CCDC93: variants seen among roughly 807,000 people sequenced by gnomAD.
CCDC93 encodes the protein coiled-coil domain-containing protein 93.
In CCDC93, 61 loss-of-function variants were observed where a neutral mutation model predicts 108.2. That is an observed-to-expected ratio of 0.56 (90% confidence interval 0.46 to 0.70). The LOEUF is 0.70. Among genes scored for constraint, CCDC93 ranks in the 30% least tolerant of loss-of-function variants. CCDC93 has a pLI of 0.00. For missense variants in CCDC93, 685 were observed against 764.2 expected, an observed-to-expected ratio of 0.90 and a Z score of 1.22; for synonymous variants, 276 against 260.4, an observed-to-expected ratio of 1.06 and a Z score of -0.58.
intron 1 of CCDC93, chr2:118,012,464 CATTA>C (rs1181509083): frequency 6.6e-6 from 1 of 152,092 alleles, no homozygotes; most frequent in Non-Finnish European, 1.5e-5. Flanking sequence ...GGTTGCTCTT[CATTA>C]ATTAATTTAT....
At chr2:117,957,719 C>T (rs1416004447) in intron 12 of CCDC93, among the ~76,000 whole-genome samples, 1 of 152,154 alleles carries the variant, frequency 6.6e-6, no homozygotes, top group Non-Finnish European at 1.5e-5. Context: ...AAGACCCTTC[C>T]TCCTCTGGTC....
chr2:117,945,427 T>G (rs1573476897), intron 17 of CCDC93, 102 bp downstream of exon 17: 2 of 921,134 alleles, frequency 2.2e-6, no homozygotes, highest in African/African-American at 1.6e-5. Context: ...GAGTTGGCCA[T>G]AGAGCACATT....
At chr2:117,989,195 G>A (rs999190902) in intron 6 of CCDC93, among the ~76,000 whole-genome samples, 4 of 152,176 alleles carry the variant, frequency 2.6e-5, no homozygotes, top group African/African-American at 7.2e-5. Flanking sequence ...ACCACGGATA[G>A]GATAAACCCT....
intron 23 of CCDC93, among the ~76,000 whole-genome samples, chr2:117,924,184 C>T (rs1677992027): frequency 6.6e-6 from 1 of 152,136 alleles, no homozygotes; most frequent in East Asian, 1.9e-4. Context: ...GGGGAAAAAC[C>T]AGAGCAGAAA....
rs533942197 is a variant in CCDC93 at position 118,007,562 on chromosome 2, G to A, written c.157-746C>T. On this transcript the variant is annotated intron_variant, in intron 2 of 23. Transcript: ENST00000376300. ...CAGGCACCTGTAATCCCAGCTACTC[G>A]GGAGGCTGAGGCAGGAGAATCACTT... Among the ~76,000 whole-genome samples the A allele has an allele frequency of 9.9e-5, 15 of 152,246 alleles. No homozygotes were observed. The South Asian group carries it at 2.5e-3, about 25-fold the overall frequency.
chr2:118,008,464 T>A (rs990758199), intron 2 of CCDC93, 81 bp downstream of exon 2: 3 of 814,366 alleles, frequency 3.7e-6, no homozygotes, highest in African/African-American at 1.7e-5. Context: ...TAAAACATCA[T>A]CTTTTCCTCC....
At chr2:118,009,627 G>T (rs1299844346) in intron 1 of CCDC93, among the ~76,000 whole-genome samples, 1 of 152,180 alleles carries the variant, frequency 6.6e-6, no homozygotes, top group East Asian at 1.9e-4. Flanking sequence ...AGGTGAGACT[G>T]TGCCATTGCA....
rs899402184 is a variant in CCDC93 at position 117,919,472 on chromosome 2, A to G, written c.*871T>C. ...ACCCTACTTGCCTTGAGTGCAGGGAACAGTGTCTATCTCTCTCCTGGCTCA... is the reference window on the plus strand; with the variant it reads ...ACCCTACTTGCCTTGAGTGCAGGGAGCAGTGTCTATCTCTCTCCTGGCTCA... On this transcript the variant is annotated 3_prime_UTR_variant, in exon 24 of 24. Transcript: ENST00000376300. 6.6e-6 allele frequency: 1 copy of G among 152,142 alleles called. No homozygotes were observed. Among genetic ancestry groups the G allele is most frequent in the African/African-American group, 2.4e-5 (1 of 41,404 alleles). The allele number at this position is 152,142 out of a possible 1,614,324, so 9.4% of individuals were successfully genotyped here. A position where few individuals can be genotyped will look rare whatever the true frequency, so the allele number is the denominator to read the frequency against.
At chr2:117,925,922 C>T (rs559895441) in intron 23 of CCDC93, among the ~76,000 whole-genome samples, 61 of 152,362 alleles carry the variant, frequency 4.0e-4, no homozygotes, top group African/African-American at 1.4e-3. Context: ...AACTGTCTCT[C>T]AGACCACAGT....
chr2:117,987,529 A>G (rs1307327303), intron 6 of CCDC93, among the ~76,000 whole-genome samples: 1 of 152,228 alleles, frequency 6.6e-6, no homozygotes, highest in African/African-American at 2.4e-5. Context: ...CAGGGTCAAG[A>G]ATGCTGATGT....
At chr2:117,935,027 T>G (rs2104720274) in intron 22 of CCDC93, 1 of 152,394 alleles carries the variant, frequency 6.6e-6, no homozygotes, top group African/African-American at 2.4e-5. Flanking sequence ...GATTTCTCTT[T>G]TTTAGAGGGT....
At chr2:117,964,601 T>C (rs1008203845) in intron 11 of CCDC93, among the ~76,000 whole-genome samples, 4 of 151,790 alleles carry the variant, frequency 2.6e-5, no homozygotes, top group East Asian at 1.9e-4. Flanking sequence ...TTTTAAGAAG[T>C]AGAATTTTTT....
At chr2:117,954,601 C>A (rs1679160151) in intron 12 of CCDC93, among the ~76,000 whole-genome samples, 2 of 152,170 alleles carry the variant, frequency 1.3e-5, no homozygotes, top group Non-Finnish European at 2.9e-5. Flanking sequence ...TGCTGGTTAA[C>A]ACCACCTCTC....
chr2:117,961,098 C>T (rs773647755), intron 11 of CCDC93, among the ~76,000 whole-genome samples: 1 of 151,908 alleles, frequency 6.6e-6, no homozygotes, highest in Non-Finnish European at 1.5e-5. Context: ...CACCCATGGG[C>T]TGGGACAGTC....
At chr2:118,011,945 T>TA (rs2104839409) in intron 1 of CCDC93, among the ~76,000 whole-genome samples, 1 of 152,314 alleles carries the variant, frequency 6.6e-6, no homozygotes, top group Non-Finnish European at 1.5e-5. Flanking sequence ...CTTGAAGCAA[T>TA]AAAAATCCAC....
At chr2:117,932,393 T>C (rs1312701020) in intron 22 of CCDC93, among the ~76,000 whole-genome samples, 1 of 152,180 alleles carries the variant, frequency 6.6e-6, no homozygotes, top group South Asian at 2.1e-4. Context: ...CTCCACACTA[T>C]AGGCTTCTGT....
intron 1 of CCDC93, chr2:118,008,915 A>G (rs889510124): frequency 2.7e-6 from 1 of 368,398 alleles, no homozygotes. Context: ...AGTAGTATAT[A>G]CTACTCATCA....
chr2:117,971,141 T>C lies in CCDC93; in HGVS notation c.888+2767A>G, dbSNP rs368287630. 1.4e-4 allele frequency among the ~76,000 whole-genome samples: 22 copies of C among 152,302 alleles called. 1 individual carries two copies. The South Asian group carries it at 4.1e-3, about 29-fold the overall frequency. The stretch of plus-strand genomic sequence containing the variant: ...ACTTTGGGAGGCTGAGGTGGGAGGA[T>C]GGCTTGAGCCCAGGAGTTCAACACC... On this transcript the variant is annotated intron_variant, in intron 11 of 23. Transcript: ENST00000376300.
rs1678842133 is a variant in CCDC93, at chr2:117,945,509, C to T, written c.1350+20G>A. 1 of 1,611,296 alleles carries T rather than the reference C, an allele frequency of 6.2e-7. No individual in the cohort carries two copies. Among genetic ancestry groups the T allele is most frequent in the Admixed American group, 1.7e-5 (1 of 59,994 alleles). ...CTGCCCTCAGGAGACAATGCCAGTC[C>T]TGAGCAGGCAGGTACTTACGTCATG... On this transcript the variant is annotated intron_variant, in intron 17 of 23. Transcript: ENST00000376300.
Sources: gnomAD v4.1 joint callset for allele counts (sites outside exome capture counted in the v4.1 genomes callset) on GRCh38, gnomAD v4.1.1 for gene constraint, MANE v1.5 for transcripts, NCBI Gene and HGNC (gene_info 2026-07-23, HGNC 2026-07-21) for gene names.